Variants in SH3GL2 observed in about 807,000 individuals in gnomAD.
The protein encoded by SH3GL2 is SH3 domain containing GRB2 like 2, endophilin A1.
In SH3GL2, 24 loss-of-function variants were observed where a neutral mutation model predicts 46.0. The ratio of observed to expected loss-of-function variants is 0.52; its 90% CI spans 0.38 to 0.73. SH3GL2 has a LOEUF of 0.73. SH3GL2 is among the 30% of genes least tolerant of loss of function. The pLI, the probability that SH3GL2 is intolerant of heterozygous loss-of-function variation, is 0.00. For missense variants in SH3GL2, 413 were observed against 424.2 expected, an observed-to-expected ratio of 0.97 and a Z score of 0.23; for synonymous variants, 196 against 147.1, an observed-to-expected ratio of 1.33 and a Z score of -2.40.
rs142672805 is a variant in SH3GL2, at chr9:17,793,370, A to G, written c.732A>G (p.Ile244Met). The G allele has an allele frequency of 6.2e-7, 1 of 1,610,226 alleles. No homozygotes were observed. Among genetic ancestry groups the G allele is most frequent in the South Asian group, 1.1e-5 (1 of 90,422 alleles). The change falls in exon 8 of 9, where the codon ATA becomes ATG. Residue 244 changes from isoleucine to methionine, a missense_variant. Coordinates refer to ENST00000380607, the MANE Select transcript of SH3GL2 (RefSeq NM_003026.5). ...ACCACTTTTCTTTTTACTGCAGAAT[A>G]AGACAGGCTTCATCTCAGCCTAGAA... ...QQVTVRLEER[I>M]RQASSQPRRE...
intron 3 of SH3GL2, among the ~76,000 whole-genome samples, chr9:17,764,206 A>G (rs1381155164): frequency 2.0e-5 from 3 of 152,220 alleles, no homozygotes; most frequent in African/African-American, 7.2e-5. Context: ...TATATGAGTA[A>G]GTACTACCCA....
At chr9:17,730,125 C>T (rs1367768614) in intron 1 of SH3GL2, among the ~76,000 whole-genome samples, 3 of 152,116 alleles carry the variant, frequency 2.0e-5, no homozygotes, top group African/African-American at 7.2e-5. Flanking sequence ...TTTGTGTCCT[C>T]TCTTATTTCC....
At chr9:17,750,083 C>G (rs1392998946) in intron 2 of SH3GL2, among the ~76,000 whole-genome samples, 1 of 152,076 alleles carries the variant, frequency 6.6e-6, no homozygotes, top group Non-Finnish European at 1.5e-5. Context: ...AAATTTTGCA[C>G]CCTCCACTCA....
chr9:17,795,993 C>A lies in SH3GL2; in HGVS notation c.*250C>A. 1 of 506,414 alleles carries A rather than the reference C, an allele frequency of 2.0e-6. No homozygotes were observed. Among genetic ancestry groups the A allele is most frequent in the Non-Finnish European group, 3.6e-6 (1 of 281,480 alleles). The allele number at this position is 506,414 out of a possible 1,614,324, so 31.4% of individuals were successfully genotyped here. A position where few individuals can be genotyped will look rare whatever the true frequency, so the allele number is the denominator to read the frequency against. ...CTGAGACCAGCCAGTAGTCACAGAA[C>A]TGCTGTTTACACAGTTCTCAGGAGG... On this transcript the variant is annotated 3_prime_UTR_variant, in exon 9 of 9. Coordinates refer to ENST00000380607, the MANE Select transcript of SH3GL2 (RefSeq NM_003026.5).
intron 1 of SH3GL2, among the ~76,000 whole-genome samples, chr9:17,674,780 T>G (rs893386152): frequency 6.6e-6 from 1 of 152,096 alleles, no homozygotes; most frequent in Non-Finnish European, 1.5e-5. Flanking sequence ...CTCTCATCCT[T>G]AAGGGGACTG....
rs189775833 is a variant in SH3GL2 at position 17,750,147 on chromosome 9, C to T, written c.114+3013C>T. On this transcript the variant is annotated intron_variant, in intron 2 of 8. Coordinates refer to ENST00000380607, the MANE Select transcript of SH3GL2 (RefSeq NM_003026.5). The stretch of plus-strand genomic sequence containing the variant: ...TTCTGTGGTAATTGAAAAGCACTTG[C>T]TTTGGATTTAGACTCTCAAATCTTT... Among the ~76,000 whole-genome samples the T allele has an allele frequency of 2.1e-3, 320 of 152,244 alleles. 3 individuals are homozygous for T. The highest frequency in any genetic ancestry group is 7.5e-3 in the African/African-American group (311 of 41,542).
At chr9:17,660,682 T>C (rs967008428) in intron 1 of SH3GL2, among the ~76,000 whole-genome samples, 1 of 151,956 alleles carries the variant, frequency 6.6e-6, no homozygotes, top group African/African-American at 2.4e-5. Flanking sequence ...AGTGTTTTTC[T>C]AGGGACACTA....
chr9:17,761,291 C>G (rs1305637508), intron 2 of SH3GL2, 146 bp from the exon 3 acceptor site: 8 of 645,200 alleles, frequency 1.2e-5, no homozygotes, highest in Admixed American at 7.1e-5. Context: ...GCATGACTTC[C>G]AGCCGCGTCT....
At chr9:17,737,574 C>A (rs542914324) in intron 1 of SH3GL2, among the ~76,000 whole-genome samples, 1 of 152,106 alleles carries the variant, frequency 6.6e-6, no homozygotes, top group Admixed American at 6.6e-5. Flanking sequence ...TTCAGCCGCA[C>A]CCTACTGCTA....
intron 1 of SH3GL2, among the ~76,000 whole-genome samples, chr9:17,642,505 A>C (rs1819709138): frequency 6.6e-6 from 1 of 152,192 alleles, no homozygotes; most frequent in African/African-American, 2.4e-5. Flanking sequence ...TTAAATATTT[A>C]ATCCATCTTG....
chr9:17,772,390 C>G lies in SH3GL2; in HGVS notation c.187+10881C>G, dbSNP rs796706359. 4.6e-5 allele frequency among the ~76,000 whole-genome samples: 7 copies of G among 152,146 alleles called. No individual in the cohort carries two copies. The East Asian group carries it at 9.6e-4, about 21-fold the overall frequency. ...TAACTATTTTTAAGTATACATTTCA[C>G]TGGTATTAAATACATTCATAATGTT... On this transcript the variant is annotated intron_variant, in intron 3 of 8. Transcript: ENST00000380607.
intron 2 of SH3GL2, among the ~76,000 whole-genome samples, chr9:17,759,757 G>A (rs933105717): frequency 1.4e-3 from 217 of 152,234 alleles, no homozygotes; most frequent in African/African-American, 4.9e-3. Flanking sequence ...ACAGCCATTG[G>A]AAAATTTAAT....
At chr9:17,647,479 A>G (rs1819846992) in intron 1 of SH3GL2, among the ~76,000 whole-genome samples, 1 of 152,124 alleles carries the variant, frequency 6.6e-6, no homozygotes, top group Admixed American at 6.5e-5. Context: ...AGACATAAAG[A>G]TACAAATGGT....
intron 1 of SH3GL2, among the ~76,000 whole-genome samples, chr9:17,585,103 A>G (rs1818348326): frequency 6.6e-6 from 1 of 152,194 alleles, no homozygotes; most frequent in Non-Finnish European, 1.5e-5. Flanking sequence ...AAGCTTGCAG[A>G]GCAGATTCCA....
intron 8 of SH3GL2, among the ~76,000 whole-genome samples, chr9:17,794,855 T>G (rs1824234334): frequency 6.6e-6 from 1 of 152,222 alleles, no homozygotes; most frequent in Admixed American, 6.5e-5. Context: ...TTACAAAATT[T>G]TTTACATAAT....
chr9:17,649,520 G>A (rs923129271), intron 1 of SH3GL2, among the ~76,000 whole-genome samples: 3 of 152,228 alleles, frequency 2.0e-5, no homozygotes, highest in Non-Finnish European at 2.9e-5. Context: ...AAGATAAATC[G>A]ATGTTACCAA....
rs370835959 is a variant in SH3GL2 at position 17,579,313 on chromosome 9, G to A, written c.45+26G>A. 50 of 1,507,892 alleles carry A rather than the reference G, an allele frequency of 3.3e-5. No individual in the cohort carries two copies. In the African/African-American group the frequency reaches 3.5e-4, roughly 10 times the overall value. The allele number at this position is 1,507,892 out of a possible 1,614,324, so 93.4% of individuals were successfully genotyped here. On this transcript the variant is annotated intron_variant, in intron 1 of 8. Transcript: ENST00000380607. The stretch of plus-strand genomic sequence containing the variant: ...GTAAGGCGCGCGGCAGGTGCGTCCC[G>A]GGGCAGTCCGGGGCGAAGCTGCGAG...
intron 1 of SH3GL2, among the ~76,000 whole-genome samples, chr9:17,624,468 T>C (rs898093426): frequency 6.6e-6 from 1 of 152,204 alleles, no homozygotes; most frequent in Admixed American, 6.5e-5. Context: ...CCATGCTCTT[T>C]CCATGTTTAC....
At chr9:17,680,089 T>C (rs1459569537) in intron 1 of SH3GL2, among the ~76,000 whole-genome samples, 19 of 150,502 alleles carry the variant, frequency 1.3e-4, no homozygotes, top group South Asian at 2.1e-4. Context: ...TCTAAAATTC[T>C]CTTTTTTTGT....
Sources: gnomAD v4.1 joint callset for allele counts (sites outside exome capture counted in the v4.1 genomes callset) on GRCh38, gnomAD v4.1.1 for gene constraint, MANE v1.5 for transcripts, NCBI Gene and HGNC (gene_info 2026-07-23, HGNC 2026-07-21) for gene names.